CAP2: variants seen among roughly 807,000 people sequenced by gnomAD.
The protein encoded by CAP2 is adenylyl cyclase-associated protein 2.
Under a neutral mutation model 57.7 loss-of-function variants are expected in CAP2, and 24 were observed. The observed-to-expected ratio is 0.42, with a 90% CI of 0.30 to 0.58. The LOEUF is 0.58. CAP2 is among the 20% of genes least tolerant of loss of function. CAP2 has a pLI of 0.22. For missense variants in CAP2, 501 were observed against 590.3 expected (o/e 0.85, Z 1.57); for synonymous variants, 194 against 207.2 (o/e 0.94, Z 0.55).
chr6:17,481,816 C>T (rs6906750), intron 4 of CAP2, among the ~76,000 whole-genome samples: 27,472 of 152,176 alleles, frequency 0.18, 8,092 homozygotes, highest in African/African-American at 0.62. Flanking sequence ...CCCCATCCTC[C>T]CCTCCTCCAA....
chr6:17,441,814 C>T lies in CAP2; in HGVS notation c.222+15124C>T, dbSNP rs1273682299. Among the ~76,000 whole-genome samples the T allele has an allele frequency of 3.3e-5, 5 of 152,268 alleles. No homozygotes were observed. In the East Asian group the frequency reaches 9.6e-4, roughly 29 times the overall value. On this transcript the variant is annotated intron_variant, in intron 3 of 12. Transcript: ENST00000229922. ...AAATATACATTTCCTATCATAGATT[C>T]ATAGTTAAACTACGGCCAACAGATT... is the stretch of plus-strand genomic sequence containing the variant.
chr6:17,414,549 C>G (rs541218077), intron 1 of CAP2, among the ~76,000 whole-genome samples: 7 of 152,228 alleles, frequency 4.6e-5, no homozygotes, highest in African/African-American at 1.4e-4. Context: ...ATGATGGCTT[C>G]TAGTTTCTTC....
chr6:17,514,948 A>C (rs1356502966), intron 7 of CAP2, among the ~76,000 whole-genome samples: 1 of 152,084 alleles, frequency 6.6e-6, no homozygotes, highest in African/African-American at 2.4e-5. Flanking sequence ...CTGTAATCCT[A>C]GCACTTTGGG....
chr6:17,517,902 A>AAAATAAATAAAT (rs150089656), intron 7 of CAP2, among the ~76,000 whole-genome samples: 3 of 151,984 alleles, frequency 2.0e-5, no homozygotes, highest in African/African-American at 7.3e-5. Context: ...ACTTGGTCTC[A>AAAATAAATAAAT]AAATAAATAA....
intron 3 of CAP2, among the ~76,000 whole-genome samples, chr6:17,455,855 C>T (rs1353982089): frequency 6.6e-6 from 1 of 152,108 alleles, no homozygotes; most frequent in Non-Finnish European, 1.5e-5. Context: ...AATAAACTTT[C>T]CCTCCTGCTC....
intron 7 of CAP2, among the ~76,000 whole-genome samples, chr6:17,533,818 G>A (rs1028650895): frequency 2.3e-4 from 35 of 151,924 alleles, no homozygotes; most frequent in African/African-American, 6.3e-4. Context: ...CACCCACCTC[G>A]GCCTCCCAAA....
intron 4 of CAP2, among the ~76,000 whole-genome samples, chr6:17,465,230 T>C (rs1028351694): frequency 2.0e-5 from 3 of 152,196 alleles, no homozygotes; most frequent in African/African-American, 7.2e-5. Context: ...TCTTGCTCTG[T>C]CACCAAGGCT....
intron 4 of CAP2, among the ~76,000 whole-genome samples, chr6:17,498,180 G>T (rs1761714653): frequency 6.6e-6 from 1 of 152,160 alleles, no homozygotes; most frequent in South Asian, 2.1e-4. Context: ...ACAAAATCTA[G>T]AAATGATGAG....
intron 1 of CAP2, among the ~76,000 whole-genome samples, chr6:17,406,356 G>C (rs1354833291): frequency 6.7e-6 from 1 of 149,148 alleles, no homozygotes; most frequent in Non-Finnish European, 1.5e-5. Context: ...TGGACCACAA[G>C]GTCCCCTGTT....
chr6:17,439,488 T>C (rs1275162913), intron 3 of CAP2, among the ~76,000 whole-genome samples: 2 of 151,528 alleles, frequency 1.3e-5, no homozygotes, highest in African/African-American at 4.9e-5. Flanking sequence ...CAGGGACCGA[T>C]TTCCTGGAAA....
chr6:17,414,414 C>T (rs141269964), intron 1 of CAP2, among the ~76,000 whole-genome samples: 1 of 152,276 alleles, frequency 6.6e-6, no homozygotes, highest in Non-Finnish European at 1.5e-5. Flanking sequence ...CAGTCCCCAT[C>T]CCCCAATAGG....
chr6:17,485,324 A>G (rs1761394852), intron 4 of CAP2, among the ~76,000 whole-genome samples: 1 of 152,188 alleles, frequency 6.6e-6, no homozygotes, highest in Admixed American at 6.5e-5. Context: ...AGATGGAGAG[A>G]TCAAAGCCTG....
intron 2 of CAP2, among the ~76,000 whole-genome samples, chr6:17,423,043 G>A (rs771964506): frequency 1.3e-5 from 2 of 152,162 alleles, no homozygotes; most frequent in Non-Finnish European, 2.9e-5. Context: ...TGGCAACTCT[G>A]TTCTTGTCAC....
intron 4 of CAP2, among the ~76,000 whole-genome samples, chr6:17,496,777 C>G (rs940324021): frequency 6.6e-6 from 1 of 152,208 alleles, no homozygotes; most frequent in Non-Finnish European, 1.5e-5. Flanking sequence ...TCTTAACACT[C>G]ACAGGGGAGT....
rs560549775 is a variant in CAP2 at position 17,545,014 on chromosome 6, T to G, written c.1209+1871T>G. ...CATAGAAACCTAATGAGACCACACT[T>G]TCTGAAGAGCTATTTTGGATGGTGG... On this transcript the variant is annotated intron_variant, in intron 11 of 12. Transcript: ENST00000229922. Among the ~76,000 whole-genome samples the G allele has an allele frequency of 2.0e-5, 3 of 152,344 alleles. No individual in the cohort carries two copies. In the South Asian group the frequency reaches 6.2e-4, roughly 32 times the overall value.
At chr6:17,413,191 T>C (rs1050631576) in intron 1 of CAP2, among the ~76,000 whole-genome samples, 1 of 152,202 alleles carries the variant, frequency 6.6e-6, no homozygotes, top group African/African-American at 2.4e-5. Context: ...CAGGATCTCA[T>C]ACATGTTTTC....
At chr6:17,471,756 G>A (rs1239124230) in intron 4 of CAP2, among the ~76,000 whole-genome samples, 7 of 151,720 alleles carry the variant, frequency 4.6e-5, no homozygotes, top group East Asian at 3.9e-4. Context: ...GCATGAACCC[G>A]GGAGGTGGAG....
intron 3 of CAP2, among the ~76,000 whole-genome samples, chr6:17,454,133 C>T (rs1194286702): frequency 6.6e-6 from 1 of 151,722 alleles, no homozygotes; most frequent in Non-Finnish European, 1.5e-5. Context: ...TGGTCTCAAA[C>T]TCCTGGGCTG....
At chr6:17,476,060 C>T (rs181284639) in intron 4 of CAP2, among the ~76,000 whole-genome samples, 9 of 152,278 alleles carry the variant, frequency 5.9e-5, no homozygotes, top group Non-Finnish European at 1.3e-4. Flanking sequence ...ATTTCCCATA[C>T]GAGCAGGGTT....
Sources: gnomAD v4.1 joint callset for allele counts (sites outside exome capture counted in the v4.1 genomes callset) on GRCh38, gnomAD v4.1.1 for gene constraint, MANE v1.5 for transcripts, NCBI Gene and HGNC (gene_info 2026-07-23, HGNC 2026-07-21) for gene names.